The following MSH3 variants were observed in gnomAD, a reference collection of about 807,000 sequenced individuals.
MSH3 encodes mutS homolog 3.
MSH3 carries 106 observed loss-of-function variants against 123.3 expected under a neutral mutation model. The observed-to-expected ratio is 0.86, with a 90% CI of 0.73 to 1.01. The LOEUF (loss-of-function observed/expected upper bound fraction) is 1.01. Ranked by LOEUF, MSH3 falls within the 50% of genes least tolerant of loss-of-function variation. MSH3 has a pLI of 0.00. For missense variants in MSH3, 1,459 were observed against 1,347.6 expected, an observed-to-expected ratio of 1.08 and a Z score of -1.29; for synonymous variants, 515 against 481.4, an observed-to-expected ratio of 1.07 and a Z score of -0.91.
At chr5:80,775,671 C>T in intron 15 of MSH3, 23 bp from the exon 16 acceptor site, 1 of 1,313,618 alleles carries the variant, frequency 7.6e-7, no homozygotes, top group South Asian at 1.2e-5. Context: ...ATCTAAATCT[C>T]TGTTTATTTG....
chr5:80,668,864 C>T (rs1005549351), intron 3 of MSH3, among the ~76,000 whole-genome samples: 1 of 152,180 alleles, frequency 6.6e-6, no homozygotes, highest in Non-Finnish European at 1.5e-5. Context: ...GCCCAGGGAG[C>T]GTGAGGCTCT....
intron 20 of MSH3, among the ~76,000 whole-genome samples, chr5:80,846,819 T>A (rs987032188): frequency 6.6e-6 from 1 of 152,200 alleles, no homozygotes; most frequent in African/African-American, 2.4e-5. Context: ...GTACAGTCTC[T>A]CATGGCTTCC....
At chr5:80,867,343 G>A (rs1746121241) in intron 22 of MSH3, among the ~76,000 whole-genome samples, 1 of 152,186 alleles carries the variant, frequency 6.6e-6, no homozygotes, top group African/African-American at 2.4e-5. Flanking sequence ...ATGTCCAAAG[G>A]AAGAAGAGAC....
chr5:80,813,062 CT>C (rs1745036758), intron 19 of MSH3, among the ~76,000 whole-genome samples: 1 of 152,178 alleles, frequency 6.6e-6, no homozygotes, highest in African/African-American at 2.4e-5. Context: ...ACAATTCTGC[CT>C]CGTTCACATG....
chr5:80,668,657 G>A (rs570014241), intron 3 of MSH3, among the ~76,000 whole-genome samples: 3 of 152,342 alleles, frequency 2.0e-5, no homozygotes, highest in Non-Finnish European at 2.9e-5. Flanking sequence ...GTCGGAGCAG[G>A]TACTTCTGAG....
intron 20 of MSH3, among the ~76,000 whole-genome samples, chr5:80,843,529 C>T (rs6453525): frequency 1.3e-5 from 2 of 151,260 alleles, no homozygotes; most frequent in Admixed American, 6.6e-5. Flanking sequence ...GAATCCGTCT[C>T]GTCCTGGACT....
chr5:80,674,215 T>C (rs1749784750), intron 6 of MSH3, among the ~76,000 whole-genome samples: 1 of 152,226 alleles, frequency 6.6e-6, no homozygotes, highest in Non-Finnish European at 1.5e-5. Flanking sequence ...GCTGCTTTTA[T>C]GGGTCCTATG....
At chr5:80,850,901 C>T (rs1016466363) in intron 20 of MSH3, among the ~76,000 whole-genome samples, 21 of 152,072 alleles carry the variant, frequency 1.4e-4, no homozygotes, top group Admixed American at 3.9e-4. Context: ...GAACATTACT[C>T]GAGTTATTAT....
At chr5:80,746,864 A>G in intron 12 of MSH3, 3 of 216,174 alleles carry the variant, frequency 1.4e-5, no homozygotes, top group Non-Finnish European at 1.9e-5. Context: ...TCATGAGAGC[A>G]GGGCGACATC....
At chr5:80,688,680 G>C (rs1750151885) in intron 8 of MSH3, among the ~76,000 whole-genome samples, 1 of 151,962 alleles carries the variant, frequency 6.6e-6, no homozygotes, top group Non-Finnish European at 1.5e-5. Context: ...AGGTATCTGT[G>C]TTATGACTGA....
Position 80,714,913 on chromosome 5 carries a change from C to T in MSH3, c.1341-10540C>T, listed in dbSNP as rs550405358. Among the ~76,000 whole-genome samples, 6 of 152,346 alleles carry T rather than the reference C, an allele frequency of 3.9e-5. No homozygotes were observed. In the South Asian group the frequency reaches 1.2e-3, roughly 32 times the overall value. ...TGCAGTAGTTAGTCCGATACTCTCTCTCTCTAGTGGATTAAGGTAGAAAAA... is the reference window on the plus strand; with the variant it reads ...TGCAGTAGTTAGTCCGATACTCTCTTTCTCTAGTGGATTAAGGTAGAAAAA... On this transcript the variant is annotated intron_variant, in intron 8 of 23. Transcript: ENST00000265081.
intron 23 of MSH3, among the ~76,000 whole-genome samples, chr5:80,874,607 GA>G (rs1295011986): frequency 2.0e-5 from 3 of 151,694 alleles, no homozygotes; most frequent in African/African-American, 7.3e-5. Flanking sequence ...CTTTTTCTCT[GA>G]AAAAAACCTA....
chr5:80,657,010 A>G (rs900017753), intron 2 of MSH3, among the ~76,000 whole-genome samples: 1 of 152,192 alleles, frequency 6.6e-6, no homozygotes, highest in Admixed American at 6.5e-5. Flanking sequence ...ATTATATTCT[A>G]TACTAATTTG....
At chr5:80,662,046 C>T (rs954990794) in intron 2 of MSH3, among the ~76,000 whole-genome samples, 1 of 152,152 alleles carries the variant, frequency 6.6e-6, no homozygotes, top group Non-Finnish European at 1.5e-5. Flanking sequence ...CATATGCTAC[C>T]TAATGACAGT....
chr5:80,875,458 C>A (rs1036689835), intron 23 of MSH3, among the ~76,000 whole-genome samples: 5 of 152,194 alleles, frequency 3.3e-5, no homozygotes, highest in African/African-American at 7.2e-5. Context: ...ACACCACCAG[C>A]CTCTAGCAGA....
In MSH3 at chr5:80,654,749, T is replaced by C. The variant is rs1313510221; in HGVS notation, c.22T>C (p.Ser8Pro). The part of the protein sequence containing the change: MSRRKPA[S>P]GGLAASSSAP... ...TGCCATGTCTCGCCGGAAGCCTGCG[T>C]CGGGCGGCCTCGCTGCCTCCAGCTC... is the stretch of plus-strand genomic sequence containing the variant. The change falls in exon 1 of 24, where the codon TCG (serine) becomes CCG (proline). Residue 8 changes from serine to proline, a missense_variant. Coordinates refer to ENST00000265081, the MANE Select transcript of MSH3 (RefSeq NM_002439.5). 3 of 1,602,182 alleles carry C rather than the reference T, an allele frequency of 1.9e-6. No individual in the cohort carries two copies. The highest frequency in any genetic ancestry group is 2.6e-6 in the Non-Finnish European group (3 of 1,175,982).
intron 22 of MSH3, 56 bp from the exon 23 acceptor site, chr5:80,873,060 C>A: frequency 1.4e-6 from 2 of 1,453,968 alleles, no homozygotes; most frequent in South Asian, 2.3e-5. Flanking sequence ...CTTTTTAATC[C>A]TCTAATTTAT....
rs369278563 is a variant in MSH3, at chr5:80,654,753, G to A, written c.26G>A (p.Gly9Asp). Residue 9 changes from glycine to aspartate, a missense_variant, in exon 1 of 24, where the codon GGC (glycine) becomes GAC (aspartate). By Grantham distance (94) the Gly-to-Asp change is moderately conservative. Transcript: ENST00000265081. ...ATGTCTCGCCGGAAGCCTGCGTCGG[G>A]CGGCCTCGCTGCCTCCAGCTCAGCC... Reference protein sequence around the residue: MSRRKPASGGLAASSSAPA... With the variant: MSRRKPASDGLAASSSAPA... 6 of 1,602,550 alleles carry A rather than the reference G, an allele frequency of 3.7e-6. No individual in the cohort carries two copies. In the African/African-American group the frequency reaches 6.8e-5, roughly 18 times the overall value.
chr5:80,781,659 G>T (rs925298036), intron 17 of MSH3, among the ~76,000 whole-genome samples: 4 of 151,826 alleles, frequency 2.6e-5, no homozygotes, highest in Admixed American at 2.6e-4. Flanking sequence ...GTAGAGACAG[G>T]GTTTCTCTAT....
Sources: gnomAD v4.1 joint callset for allele counts (sites outside exome capture counted in the v4.1 genomes callset) on GRCh38, gnomAD v4.1.1 for gene constraint, MANE v1.5 for transcripts, NCBI Gene and HGNC (gene_info 2026-07-23, HGNC 2026-07-21) for gene names.